The following ABCA4 variants were observed in gnomAD, a reference collection of about 807,000 sequenced individuals.
The protein encoded by ABCA4 is retinal-specific phospholipid-transporting ATPase ABCA4.
ABCA4 carries 196 observed loss-of-function variants against 263.7 expected under a neutral mutation model. That is an observed-to-expected ratio of 0.74 (90% confidence interval 0.66 to 0.84). The LOEUF is 0.84. ABCA4 is among the 40% of genes least tolerant of loss of function. ABCA4 has a pLI of 0.00. For synonymous variants in ABCA4, 1,133 were observed against 1,094.2 expected, an observed-to-expected ratio of 1.04 and a Z score of -0.70; for missense variants, 2,792 against 2,855.1, an observed-to-expected ratio of 0.98 and a Z score of 0.50.
intron 26 of ABCA4, 127 bp downstream of exon 26, chr1:94,036,613 T>C: frequency 9.9e-7 from 1 of 1,008,490 alleles, no homozygotes; most frequent in Non-Finnish European, 1.6e-6. Context: ...AGGTGGTCCA[T>C]CTGCCTTGGC....
Position 94,043,332 on chromosome 1 carries a change from G to A in ABCA4, c.3190+4C>T. ...TGGCCCTGTCTCCATCCAGCTCTGA[G>A]CACCTGATAGGTCCTGAGCCTCTTC... On this transcript the variant is annotated splice_donor_region_variant and intron_variant, in intron 21 of 49. Transcript: ENST00000370225. 3.7e-6 allele frequency: 6 copies of A among 1,614,024 alleles called. No individual in the cohort carries two copies. The highest frequency in any genetic ancestry group is 5.1e-6 in the Non-Finnish European group (6 of 1,179,970).
intron 18 of ABCA4, among the ~76,000 whole-genome samples, chr1:94,047,548 A>G (rs1330857764): frequency 1.3e-5 from 2 of 152,188 alleles, no homozygotes; most frequent in Non-Finnish European, 2.9e-5. Context: ...CTCATTGCCA[A>G]CAGTCCACGG....
At chr1:94,103,526 G>T (rs1006085496) in intron 4 of ABCA4, among the ~76,000 whole-genome samples, 4 of 152,158 alleles carry the variant, frequency 2.6e-5, no homozygotes, top group Non-Finnish European at 5.9e-5. Flanking sequence ...AACTGGGGAG[G>T]TGCTGGTGGG....
chr1:94,097,654 G>A (rs1332133904), intron 6 of ABCA4, among the ~76,000 whole-genome samples: 1 of 152,132 alleles, frequency 6.6e-6, no homozygotes, highest in Non-Finnish European at 1.5e-5. Flanking sequence ...ATAGATTCTG[G>A]GCCTGGCCTG....
chr1:94,057,369 A>G (rs17392507), intron 14 of ABCA4, among the ~76,000 whole-genome samples: 7,273 of 152,276 alleles, frequency 0.048, 219 homozygotes, highest in African/African-American at 0.068. Flanking sequence ...GAGTGGTAAT[A>G]TGGAGAAATA....
intron 14 of ABCA4, chr1:94,059,699 C>T (rs1661066590): frequency 6.6e-6 from 1 of 152,342 alleles, no homozygotes; most frequent in South Asian, 2.1e-4. Flanking sequence ...TCAATCAGTC[C>T]ATCTCAGGAG....
chr1:94,095,127 CGT>C (rs1477075588), intron 6 of ABCA4, among the ~76,000 whole-genome samples: 2 of 152,184 alleles, frequency 1.3e-5, no homozygotes, highest in Non-Finnish European at 2.9e-5. Context: ...TGCAAATGAG[CGT>C]GTGAGTGTAC....
intron 3 of ABCA4, among the ~76,000 whole-genome samples, chr1:94,110,095 A>C (rs573260382): frequency 6.6e-6 from 1 of 152,322 alleles, no homozygotes; most frequent in African/African-American, 2.4e-5. Flanking sequence ...CTGGATGGGC[A>C]GGTGTTTCTT....
intron 13 of ABCA4, among the ~76,000 whole-genome samples, chr1:94,061,043 A>G (rs1661111327): frequency 1.3e-5 from 2 of 152,178 alleles, no homozygotes. Flanking sequence ...TATGTCAAAG[A>G]TCTTCCCTGT....
At chr1:94,020,135 C>T (rs971328450) in intron 35 of ABCA4, among the ~76,000 whole-genome samples, 8 of 152,130 alleles carry the variant, frequency 5.3e-5, no homozygotes, top group Non-Finnish European at 1.2e-4. Flanking sequence ...GACAGACATA[C>T]GGTCTGTGAG....
chr1:93,994,314 A>C (rs1011667817), intron 49 of ABCA4, among the ~76,000 whole-genome samples: 4 of 152,236 alleles, frequency 2.6e-5, no homozygotes, highest in Admixed American at 6.5e-5. Flanking sequence ...ATCCCAAAAC[A>C]TGTTTTCCAG....
chr1:94,025,434 A>G, intron 30 of ABCA4: 1 of 358,898 alleles, frequency 2.8e-6, no homozygotes, highest in Non-Finnish European at 5.3e-6. Flanking sequence ...TGAACTATAA[A>G]AATGTAAACC....
rs1165659113 is a variant in ABCA4, at chr1:94,001,913, T to G, written c.6227A>C (p.Lys2076Thr). 1 of 1,614,230 alleles carries G rather than the reference T, an allele frequency of 6.2e-7. No individual in the cohort carries two copies. The highest frequency in any genetic ancestry group is 8.5e-7 in the Non-Finnish European group (1 of 1,180,040). Residue 2076 changes from lysine (K) to threonine (T), a missense_variant, in exon 45 of 50, where the codon AAG becomes ACG. Lys to Thr is a moderately conservative substitution (Grantham distance 78). Coordinates refer to ENST00000370225, the MANE Select transcript of ABCA4 (RefSeq NM_000350.3). ...TGCGATGGCTGTGGAGAGTTTCCGC[T>G]TGTTGCCCCCACTGTACGTGCCAGC... ...CLAGTYSGGN[K>T]RKLSTAIALI...
At chr1:94,113,128 AC>A in intron 1 of ABCA4, 62 bp from the exon 2 acceptor site, 1 of 1,492,982 alleles carries the variant, frequency 6.7e-7, no homozygotes, top group Non-Finnish European at 9.3e-7. Flanking sequence ...AGAAAACGTA[AC>A]CAGAGCAGAC....
chr1:94,096,388 TGG>T (rs1662124696), intron 6 of ABCA4, among the ~76,000 whole-genome samples: 1 of 152,176 alleles, frequency 6.6e-6, no homozygotes, highest in Admixed American at 6.5e-5. Context: ...TGCTTGTCTC[TGG>T]TCTGGCTGTG....
At chr1:94,055,850 T>C (rs968270511) in intron 15 of ABCA4, among the ~76,000 whole-genome samples, 4 of 152,212 alleles carry the variant, frequency 2.6e-5, no homozygotes, top group Non-Finnish European at 5.9e-5. Context: ...AGACTTTCTG[T>C]CTTTTCCCAG....
At chr1:94,118,278 G>GA (rs1274850033) in intron 1 of ABCA4, among the ~76,000 whole-genome samples, 1 of 151,962 alleles carries the variant, frequency 6.6e-6, no homozygotes, top group Non-Finnish European at 1.5e-5. Context: ...AACAGAGGAA[G>GA]AAAAAAAGAG....
rs757462382 is a variant in ABCA4, at chr1:94,008,795, C to T, written c.5791G>A (p.Gly1931Ser). The change falls in exon 41 of 50, where the codon GGT (glycine) becomes AGT (serine). Residue 1931 changes from glycine (G) to serine (S), a missense_variant. By Grantham distance (56) the Gly-to-Ser change is moderately conservative. Coordinates refer to ENST00000370225, the MANE Select transcript of ABCA4 (RefSeq NM_000350.3). ...VAEERQRIIT[G>S]GNKTDILRLH... Reference sequence around the variant, plus strand: ...CTTAAGATGTCAGTTTTATTTCCACCAGTAATAATTCTTTGTCTTTCTTCA... The same window carrying T: ...CTTAAGATGTCAGTTTTATTTCCACTAGTAATAATTCTTTGTCTTTCTTCA... The T allele has an allele frequency of 3.3e-5, 53 of 1,613,712 alleles. No individual in the cohort carries two copies. The highest frequency in any genetic ancestry group is 4.1e-5 in the Non-Finnish European group (48 of 1,179,986).
At chr1:94,080,996 G>A (rs1006513165) in intron 7 of ABCA4, among the ~76,000 whole-genome samples, 16 of 152,072 alleles carry the variant, frequency 1.1e-4, no homozygotes, top group South Asian at 2.1e-4. Context: ...AGGCCGAGGC[G>A]GGCGGATCAC....
Sources: allele counts gnomAD v4.1 joint callset (sites outside exome capture counted in the v4.1 genomes callset), GRCh38; gene constraint gnomAD v4.1.1; transcripts MANE v1.5; gene names NCBI Gene and HGNC (gene_info 2026-07-23, HGNC 2026-07-21).